PGAP4: variants seen among roughly 807,000 people sequenced by gnomAD.
PGAP4 encodes post-GPI attachment to proteins GalNAc transferase 4, also known as GPI-N-acetylgalactosamine transferase PGAP4.
Under a neutral mutation model 28.2 loss-of-function variants are expected in PGAP4, and 12 were observed. The ratio of observed to expected loss-of-function variants is 0.42; its 90% CI spans 0.27 to 0.69. The LOEUF is 0.69. Among genes scored for constraint, PGAP4 ranks in the 30% least tolerant of loss-of-function variants. The probability of loss-of-function intolerance (pLI) is 0.22; values close to 1 mark genes in which losing one functional copy is unlikely to be tolerated. For synonymous variants in PGAP4, 205 were observed against 211.8 expected (o/e 0.97, Z 0.28); for missense variants, 425 against 513.5 (o/e 0.83, Z 1.67).
At chr9:101,496,814 T>A (rs559264350) in intron 2 of PGAP4, among the ~76,000 whole-genome samples, 67 of 150,976 alleles carry the variant, frequency 4.4e-4, no homozygotes, top group African/African-American at 1.6e-3. Flanking sequence ...TATAGCATGT[T>A]TTACATTCTT....
intron 2 of PGAP4, among the ~76,000 whole-genome samples, chr9:101,506,793 T>C (rs1030430561): frequency 1.3e-5 from 2 of 152,150 alleles, no homozygotes; most frequent in African/African-American, 4.8e-5. Flanking sequence ...ATACAAAGTC[T>C]TGAGCCAATA....
intron 1 of PGAP4, among the ~76,000 whole-genome samples, chr9:101,481,949 T>A (rs1414009354): frequency 1.3e-5 from 2 of 152,086 alleles, no homozygotes; most frequent in Non-Finnish European, 2.9e-5. Flanking sequence ...CTTTCCTCCC[T>A]GCCACACTCT....
intron 2 of PGAP4, chr9:101,501,543 T>C (rs1030880092): frequency 3.3e-5 from 13 of 399,572 alleles, no homozygotes; most frequent in Admixed American, 3.2e-4. Flanking sequence ...CATGATTTCA[T>C]GCATTTAGAG....
rs116334743 is a variant in PGAP4, at chr9:101,479,213, C to T, written c.-77-2044G>A. On this transcript the variant is annotated intron_variant, in intron 1 of 1. Transcript: ENST00000374848. ...GGAGTTAACAAACCATGTGGTTGAACGTGATTGAACGTGGCCTCACCACTT... is the reference window on the plus strand; with the variant it reads ...GGAGTTAACAAACCATGTGGTTGAATGTGATTGAACGTGGCCTCACCACTT... Among the ~76,000 whole-genome samples, 391 of 152,364 alleles carry T rather than the reference C, an allele frequency of 2.6e-3. 2 individuals are homozygous for T. The highest frequency in any genetic ancestry group is 9.0e-3 in the African/African-American group (376 of 41,584).
At chr9:101,519,398 A>G (rs1045151841) in intron 2 of PGAP4, among the ~76,000 whole-genome samples, 2 of 152,072 alleles carry the variant, frequency 1.3e-5, no homozygotes, top group African/African-American at 4.8e-5. Flanking sequence ...AGCTCAGGCA[A>G]TCCACCTGCC....
intron 1 of PGAP4, 121 bp from the exon 2 acceptor site, chr9:101,477,290 G>A (rs755107901): frequency 6.4e-6 from 4 of 628,004 alleles, no homozygotes; most frequent in Non-Finnish European, 9.8e-6. Context: ...ATTATAATAG[G>A]AGGCTCTGTA....
upstream of PGAP4, among the ~76,000 whole-genome samples, chr9:101,491,956 G>A (rs1331087754): frequency 6.6e-6 from 1 of 151,062 alleles, no homozygotes; most frequent in Non-Finnish European, 1.5e-5. Context: ...ATTGTTGGGG[G>A]TAGTGTTCTT....
At chr9:101,524,189 C>T (rs749300892) in intron 2 of PGAP4, among the ~76,000 whole-genome samples, 1 of 150,600 alleles carries the variant, frequency 6.6e-6, no homozygotes, top group East Asian at 2.0e-4. Flanking sequence ...CACACTAGAT[C>T]AGTGGAGTTA....
intron 2 of PGAP4, among the ~76,000 whole-genome samples, chr9:101,512,498 T>G (rs1334388806): frequency 6.6e-6 from 1 of 152,192 alleles, no homozygotes; most frequent in African/African-American, 2.4e-5. Flanking sequence ...CCAGTGGAGC[T>G]TCCCTCTATT....
chr9:101,495,457 A>G (rs140233049), intron 2 of PGAP4, among the ~76,000 whole-genome samples: 9,002 of 36,566 alleles, frequency 0.25, 2,030 homozygotes, highest in South Asian at 0.4. Context: ...TATTATATAT[A>G]CTTATATTTT....
rs1826249770 is a variant in PGAP4, at chr9:101,474,905, A to G, written c.*976T>C. 1 of 151,856 alleles carries G rather than the reference A, an allele frequency of 6.6e-6. No individual in the cohort carries two copies. Among genetic ancestry groups the G allele is most frequent in the Non-Finnish European group, 1.5e-5 (1 of 67,982 alleles). 9.4% of individuals were successfully genotyped at this position (151,856 alleles called of 1,614,324 possible). ...AGAAATTGAGACCCAGAGTGATTAT[A>G]TGACCTGCCCAAGGTGGTCACGTCG... On this transcript the variant is annotated 3_prime_UTR_variant, in exon 2 of 2. Coordinates refer to ENST00000374848, the MANE Select transcript of PGAP4 (RefSeq NM_032342.3).
chr9:101,497,789 A>G lies in PGAP4; in HGVS notation c.-164-8589T>C, dbSNP rs374886401. Among the ~76,000 whole-genome samples, 255 of 151,826 alleles carry G rather than the reference A, an allele frequency of 1.7e-3. 8 individuals are homozygous for G. In the South Asian group the frequency reaches 0.051, roughly 30 times the overall value. On this transcript the variant is annotated intron_variant, in intron 2 of 3. Transcript: ENST00000374851. Reference sequence around the variant, plus strand: ...TTTTATATGAGTGCCCTTTTATCTAAATAAAAATGTTTAAGGGAATTTGGG... The same window carrying G: ...TTTTATATGAGTGCCCTTTTATCTAGATAAAAATGTTTAAGGGAATTTGGG...
Position 101,477,041 on chromosome 9 carries a change from G to C in PGAP4, c.52C>G (p.Leu18Val). 1 of 1,610,886 alleles carries C rather than the reference G, an allele frequency of 6.2e-7. No individual in the cohort carries two copies. The highest frequency in any genetic ancestry group is 8.5e-7 in the Non-Finnish European group (1 of 1,178,922). Residue 18 changes from leucine (L) to valine (V), a missense_variant, in exon 2 of 2, where the codon CTC becomes GTC. By Grantham distance (32) the Leu-to-Val change is conservative. Coordinates refer to ENST00000374848, the MANE Select transcript of PGAP4 (RefSeq NM_032342.3). ...TGGACAGCAGTGCTGCCCCAGGAGA[G>C]TCGCCGCAGCCTCCGGAGGAGCATG... The part of the protein sequence containing the change: ...AAMLLRRLRR[L>V]SWGSTAVQLF...
intron 2 of PGAP4, among the ~76,000 whole-genome samples, chr9:101,514,009 CTT>C (rs75808649): frequency 2.7e-5 from 4 of 145,656 alleles, no homozygotes; most frequent in Non-Finnish European, 3.0e-5. Context: ...CTTTTCTCTT[CTT>C]TTTTTTTTTT....
rs530379325 is a variant in PGAP4, at chr9:101,486,445, G to T, written c.-78+504C>A. 2.0e-5 allele frequency among the ~76,000 whole-genome samples: 3 copies of T among 152,248 alleles called. No homozygotes were observed. The East Asian group carries it at 5.8e-4, about 30-fold the overall frequency. On this transcript the variant is annotated intron_variant, in intron 1 of 1. Coordinates refer to ENST00000374848, the MANE Select transcript of PGAP4 (RefSeq NM_032342.3). This position sits in a 1 kb window ranked among gnomAD's most constrained non-coding sequence, Gnocchi z 4.7. ...CGCAGAAACCCAACACTGCTGCCGC[G>T]CTCTCGGCGCGCCCGGCGAACCTAA...
chr9:101,491,649 T>C (rs1826690489), upstream of PGAP4, among the ~76,000 whole-genome samples: 1 of 151,714 alleles, frequency 6.6e-6, no homozygotes, highest in Non-Finnish European at 1.5e-5. Context: ...AGACATGTAT[T>C]TTTAAATTTT....
At chr9:101,516,646 A>G (rs1826946183) in intron 2 of PGAP4, among the ~76,000 whole-genome samples, 2 of 152,192 alleles carry the variant, frequency 1.3e-5, no homozygotes, top group Admixed American at 1.3e-4. Flanking sequence ...GACATTTTCA[A>G]CATGGTTCAT....
At position 101,523,619 on chromosome 9, in the gene PGAP4, C is replaced by CATTTTTTTTTTTTTTTTTTTTTTTTTTT. The variant is rs1245170432; in HGVS notation, c.-165+7728_-165+7729insAAAAAAAAAAAAAAAAAAAAAAAAAAAT. On this transcript the variant is annotated intron_variant, in intron 2 of 3. Transcript: ENST00000374851. ...ACATTTCTCCCCTCACTTCTTGTAT[C>CATTTTTTTTTTTTTTTTTTTTTTTTTTT]TTTTTTTTTTTTTTTTTTTTTTTTT... is the stretch of plus-strand genomic sequence containing the variant. Among the ~76,000 whole-genome samples, 10 of 59,342 alleles carry CATTTTTTTTTTTTTTTTTTTTTTTTTTT rather than the reference C, an allele frequency of 1.7e-4. 1 individual carries two copies. The highest frequency in any genetic ancestry group is 2.3e-4 in the Admixed American group (1 of 4,370). The allele number at this position is 59,342 out of a possible 152,430, so 38.9% of individuals were successfully genotyped here.
At chr9:101,490,127 T>C (rs760633378), upstream of PGAP4, among the ~76,000 whole-genome samples, 5 of 152,146 alleles carry the variant, frequency 3.3e-5, no homozygotes, top group Non-Finnish European at 7.4e-5. Context: ...TAAGGCTCTT[T>C]ACAGAGGCCT....
Sources: gnomAD v4.1 joint callset for allele counts (sites outside exome capture counted in the v4.1 genomes callset) on GRCh38, gnomAD v4.1.1 for gene constraint, Gnocchi (gnomAD v3.1) non-coding constraint, MANE v1.5 for transcripts, NCBI Gene and HGNC (gene_info 2026-07-23, HGNC 2026-07-21) for gene names.